The following WWOX variants were observed in gnomAD, a reference collection of about 807,000 sequenced individuals.
The protein encoded by WWOX is WW domain-containing oxidoreductase.
A neutral mutation model predicts 46.2 loss-of-function variants in WWOX; 69 were observed. That is an observed-to-expected ratio of 1.49 (90% CI 1.23 to 1.82). WWOX has a LOEUF of 1.82. WWOX is among the 40% of genes most tolerant of loss of function. WWOX has a pLI of 0.00. For missense variants in WWOX, 919 were observed against 542.6 expected (o/e 1.69, Z -6.89); for synonymous variants, 359 against 202.6 (o/e 1.77, Z -6.56).
At chr16:78,908,641 ATTT>A (rs2045029946) in intron 8 of WWOX, among the ~76,000 whole-genome samples, 1 of 151,958 alleles carries the variant, frequency 6.6e-6, no homozygotes. Context: ...AGGGATAGAG[ATTT>A]TTAAGGAGAA....
At chr16:78,692,605 C>G (rs963503659) in intron 8 of WWOX, among the ~76,000 whole-genome samples, 1 of 152,188 alleles carries the variant, frequency 6.6e-6, no homozygotes, top group Admixed American at 6.5e-5. Flanking sequence ...ATGCCTGAAT[C>G]TCTCACCCCC....
chr16:79,146,256 C>T (rs1014053860), intron 8 of WWOX, among the ~76,000 whole-genome samples: 3 of 152,108 alleles, frequency 2.0e-5, no homozygotes, highest in African/African-American at 4.8e-5. Context: ...TATTTCTTAT[C>T]AATAGGTCCC....
chr16:78,800,413 A>G (rs552377047), intron 8 of WWOX, among the ~76,000 whole-genome samples: 2 of 152,278 alleles, frequency 1.3e-5, no homozygotes, highest in East Asian at 1.9e-4. Context: ...TCTGCAGGCT[A>G]TGATTGTGTA....
intron 8 of WWOX, among the ~76,000 whole-genome samples, chr16:78,463,835 A>C (rs1488526361): frequency 6.6e-6 from 1 of 152,144 alleles, no homozygotes; most frequent in South Asian, 2.1e-4. Flanking sequence ...TTTGTTTGCA[A>C]ATGATCACCT....
chr16:78,881,282 G>A (rs993943569), intron 8 of WWOX, among the ~76,000 whole-genome samples: 3 of 152,162 alleles, frequency 2.0e-5, no homozygotes, highest in Non-Finnish European at 4.4e-5. Context: ...AGGGTTACAG[G>A]CATGAGCCAC....
chr16:78,224,434 A>T (rs2036986026), intron 5 of WWOX, among the ~76,000 whole-genome samples: 1 of 151,824 alleles, frequency 6.6e-6, no homozygotes, highest in Non-Finnish European at 1.5e-5. Context: ...AAAAAAGAAA[A>T]TGGAAGTGTT....
At chr16:78,485,855 T>G (rs1224793223) in intron 8 of WWOX, among the ~76,000 whole-genome samples, 3 of 152,210 alleles carry the variant, frequency 2.0e-5, no homozygotes, top group Non-Finnish European at 4.4e-5. Context: ...GCGAGCCTTA[T>G]TCAGAATGTC....
Position 79,156,441 on chromosome 16 carries a change from G to A in WWOX, c.1057-55167G>A, listed in dbSNP as rs183943560. On this transcript the variant is annotated intron_variant, in intron 8 of 8. Transcript: ENST00000566780. Reference sequence around the variant, plus strand: ...CTCCCAAAGTGCTGGGATAACAGGCGTGAGCCACCGCTCCCAGCAACAATT... The same window carrying A: ...CTCCCAAAGTGCTGGGATAACAGGCATGAGCCACCGCTCCCAGCAACAATT... Among the ~76,000 whole-genome samples the A allele has an allele frequency of 8.5e-5, 13 of 152,312 alleles. No individual in the cohort carries two copies. In the East Asian group the frequency reaches 1.9e-3, roughly 23 times the overall value.
At chr16:78,366,149 T>G (rs1268697132) in intron 5 of WWOX, among the ~76,000 whole-genome samples, 1 of 152,242 alleles carries the variant, frequency 6.6e-6, no homozygotes, top group Non-Finnish European at 1.5e-5. Context: ...TACTGACCAT[T>G]TTTGGTAAAT....
intron 6 of WWOX, among the ~76,000 whole-genome samples, chr16:78,400,258 A>G (rs1431816748): frequency 6.6e-6 from 1 of 152,220 alleles, no homozygotes; most frequent in African/African-American, 2.4e-5. Context: ...TCTCAGAAGT[A>G]CAAGTTATGC....
chr16:78,909,167 C>A (rs141772785), intron 8 of WWOX, among the ~76,000 whole-genome samples: 1 of 152,112 alleles, frequency 6.6e-6, no homozygotes, highest in Non-Finnish European at 1.5e-5. Flanking sequence ...ATCTCCATCA[C>A]CTTCATAATT....
intron 8 of WWOX, chr16:78,996,161 T>TC: frequency 1.0e-6 from 1 of 967,622 alleles, no homozygotes; most frequent in Non-Finnish European, 1.2e-6. Context: ...ATTTTTTTTT[T>TC]AACGAAACTC....
chr16:78,240,369 G>A (rs1054141394), intron 5 of WWOX, among the ~76,000 whole-genome samples: 3 of 152,086 alleles, frequency 2.0e-5, no homozygotes, highest in Admixed American at 6.6e-5. Flanking sequence ...GGACACAGAG[G>A]AGAAGGCTCT....
intron 8 of WWOX, among the ~76,000 whole-genome samples, chr16:78,441,583 G>A (rs1041145090): frequency 4.0e-4 from 61 of 152,262 alleles, no homozygotes; most frequent in African/African-American, 1.4e-3. Context: ...GGAGAGAGAG[G>A]TGAGGCACAG....
chr16:78,928,465 G>C (rs1021673457), intron 8 of WWOX, among the ~76,000 whole-genome samples: 1 of 152,054 alleles, frequency 6.6e-6, no homozygotes, highest in Non-Finnish European at 1.5e-5. Context: ...GCCTCCCAAA[G>C]TGCTGGGATT....
At chr16:78,965,280 A>G (rs1013973661) in intron 8 of WWOX, among the ~76,000 whole-genome samples, 1 of 152,206 alleles carries the variant, frequency 6.6e-6, no homozygotes, top group South Asian at 2.1e-4. Context: ...AATCACTAGT[A>G]AAATTTGGCC....
chr16:78,870,235 C>G (rs977318486), intron 8 of WWOX, among the ~76,000 whole-genome samples: 10 of 152,204 alleles, frequency 6.6e-5, no homozygotes, highest in Admixed American at 6.5e-5. Flanking sequence ...ACATTCAGGA[C>G]TCTGGTTTCT....
chr16:78,173,474 T>G (rs7500753), intron 5 of WWOX, among the ~76,000 whole-genome samples: 12,139 of 150,692 alleles, frequency 0.081, 420 homozygotes, highest in Non-Finnish European at 0.091. Context: ...TTTTTTTTTT[T>G]TAATGTAGAG....
At chr16:78,409,094 A>G (rs572925097) in intron 6 of WWOX, among the ~76,000 whole-genome samples, 2 of 152,254 alleles carry the variant, frequency 1.3e-5, no homozygotes, top group East Asian at 3.9e-4. Context: ...CCCTGTTGCT[A>G]AAGTCCCACT....
Sources: gnomAD v4.1 joint callset for allele counts (sites outside exome capture counted in the v4.1 genomes callset) on GRCh38, gnomAD v4.1.1 for gene constraint, MANE v1.5 for transcripts, NCBI Gene and HGNC (gene_info 2026-07-23, HGNC 2026-07-21) for gene names.